MAST4: variants seen among roughly 807,000 people sequenced by gnomAD.
MAST4 encodes the protein microtubule associated serine/threonine kinase family member 4.
MAST4 carries 89 observed loss-of-function variants against 162.7 expected under a neutral mutation model. The ratio of observed to expected loss-of-function variants is 0.55; its 90% CI spans 0.46 to 0.65. MAST4 has a LOEUF of 0.65. Among genes scored for constraint, MAST4 ranks in the 30% least tolerant of loss-of-function variants. The pLI is 0.00. For missense variants in MAST4, 3,153 were observed against 3,374.0 expected, an observed-to-expected ratio of 0.93 and a Z score of 1.62; for synonymous variants, 1,479 against 1,361.1, an observed-to-expected ratio of 1.09 and a Z score of -1.91.
chr5:67,114,364 A>T (rs1766630516), intron 12 of MAST4, 145 bp downstream of exon 12: 1 of 983,938 alleles, frequency 1.0e-6, no homozygotes, highest in Non-Finnish European at 1.5e-6. Context: ...TTGCTATTTG[A>T]AGGAAATAGC....
At chr5:67,121,492 A>G (rs1767579850) in intron 14 of MAST4, among the ~76,000 whole-genome samples, 1 of 151,460 alleles carries the variant, frequency 6.6e-6, no homozygotes, top group Non-Finnish European at 1.5e-5. Context: ...GTATTACTAC[A>G]TGAAAATTAG....
At chr5:66,975,643 G>C (rs180982208) in intron 4 of MAST4, among the ~76,000 whole-genome samples, 49 of 152,130 alleles carry the variant, frequency 3.2e-4, no homozygotes, top group Non-Finnish European at 6.0e-4. Flanking sequence ...AAAATAGTGA[G>C]AGAGTCAGAA....
intron 4 of MAST4, among the ~76,000 whole-genome samples, chr5:67,049,025 A>ATATATATATATACACG (rs1561576236): frequency 0.013 from 912 of 69,008 alleles, 46 homozygotes; most frequent in African/African-American, 0.055. Context: ...ATATATACGT[A>ATATATATATATACACG]TATATATATA....
chr5:66,771,918 A>G (rs1386013850), intron 2 of MAST4, among the ~76,000 whole-genome samples: 1 of 152,102 alleles, frequency 6.6e-6, no homozygotes, highest in Non-Finnish European at 1.5e-5. Context: ...ACAAGTAGGT[A>G]TGGCTTTCCT....
chr5:66,891,165 C>T (rs1762338526), intron 3 of MAST4, among the ~76,000 whole-genome samples: 2 of 152,302 alleles, frequency 1.3e-5, no homozygotes, highest in Non-Finnish European at 2.9e-5. Context: ...TTGCATTTTG[C>T]TTAACTTCCG....
At chr5:67,127,783 C>T (rs183527208) in intron 14 of MAST4, among the ~76,000 whole-genome samples, 24 of 152,112 alleles carry the variant, frequency 1.6e-4, no homozygotes, top group Admixed American at 1.4e-3. Context: ...TACTAAAAGC[C>T]TTTAATCTGA....
At chr5:66,698,082 A>G (rs980575830) in intron 1 of MAST4, among the ~76,000 whole-genome samples, 8 of 148,970 alleles carry the variant, frequency 5.4e-5, no homozygotes, top group African/African-American at 9.9e-5. Flanking sequence ...TCCACCACCC[A>G]TCTCGTGGCC....
Position 67,104,575 on chromosome 5 carries a change from G to C in MAST4, c.1356G>C (p.Glu452Asp). ...LQHKLDKLLQ[E>D]AHDRSESGEL... Reference sequence around the variant, plus strand: ...ACAAATTAGATAAGTTGCTACAGGAGGTAAGAACCATGTACCATATAGTTT... The same window carrying C: ...ACAAATTAGATAAGTTGCTACAGGACGTAAGAACCATGTACCATATAGTTT... Residue 452 changes from glutamate to aspartate, a missense_variant and splice_region_variant, in exon 10 of 29, where the codon GAG becomes GAC. This residue lies in a region of MAST4 where 360 missense variants were observed against 450.0 expected (regional missense o/e 0.80). Coordinates refer to ENST00000403625, the MANE Select transcript of MAST4 (RefSeq NM_001164664.2). 1 of 1,611,104 alleles carries C rather than the reference G, an allele frequency of 6.2e-7. No homozygotes were observed. The highest frequency in any genetic ancestry group is 8.5e-7 in the Non-Finnish European group (1 of 1,178,194).
At chr5:66,989,421 T>A (rs1366994265) in intron 4 of MAST4, among the ~76,000 whole-genome samples, 1 of 152,192 alleles carries the variant, frequency 6.6e-6, no homozygotes, top group Non-Finnish European at 1.5e-5. Flanking sequence ...ATTGATGAGT[T>A]GAAGTTTTCA....
chr5:67,139,919 C>G (rs528809655), intron 19 of MAST4, among the ~76,000 whole-genome samples: 1 of 152,314 alleles, frequency 6.6e-6, no homozygotes, highest in African/African-American at 2.4e-5. Context: ...TGAGCTAAAT[C>G]AGCTATGGGC....
At chr5:67,043,077 G>A (rs982687305) in intron 4 of MAST4, among the ~76,000 whole-genome samples, 26 of 152,270 alleles carry the variant, frequency 1.7e-4, no homozygotes, top group African/African-American at 2.4e-5. Flanking sequence ...TGGTGGTCAC[G>A]GAAGTAAACC....
chr5:66,798,493 T>C (rs1755763255), intron 3 of MAST4, among the ~76,000 whole-genome samples: 1 of 152,216 alleles, frequency 6.6e-6, no homozygotes, highest in South Asian at 2.1e-4. Context: ...GTTCCTCCTG[T>C]CTGTCATTTA....
intron 10 of MAST4, among the ~76,000 whole-genome samples, chr5:67,106,911 A>G (rs1305372014): frequency 6.6e-6 from 1 of 152,156 alleles, no homozygotes. Context: ...AATAGATACA[A>G]CTGCATGCCA....
chr5:66,614,488 T>C (rs6890124), intron 1 of MAST4, among the ~76,000 whole-genome samples: 92,641 of 152,044 alleles, frequency 0.61, 28,486 homozygotes, highest in East Asian at 0.72. Flanking sequence ...AGGAGTTTAT[T>C]GGCCCTTATT....
intron 19 of MAST4, among the ~76,000 whole-genome samples, chr5:67,141,864 G>A (rs1770441220): frequency 6.6e-6 from 1 of 152,134 alleles, no homozygotes; most frequent in African/African-American, 2.4e-5. Context: ...GAAAAATGGA[G>A]GAAGTCATGG....
At chr5:66,678,484 G>T (rs1237364220) in intron 1 of MAST4, among the ~76,000 whole-genome samples, 3 of 151,456 alleles carry the variant, frequency 2.0e-5, no homozygotes, top group African/African-American at 7.3e-5. Flanking sequence ...CATAAGGTGT[G>T]TACATATCAA....
intron 5 of MAST4, among the ~76,000 whole-genome samples, chr5:67,058,811 TA>T (rs1759190288): frequency 1.3e-5 from 2 of 152,336 alleles, no homozygotes; most frequent in Admixed American, 1.3e-4. Flanking sequence ...GTAGGGAAAT[TA>T]GCACATAGTG....
At chr5:66,638,581 C>A (rs1427449906) in intron 1 of MAST4, among the ~76,000 whole-genome samples, 3 of 152,110 alleles carry the variant, frequency 2.0e-5, no homozygotes, top group African/African-American at 7.2e-5. Context: ...TTCTTATATG[C>A]CTTATACACA....
chr5:66,804,630 A>T (rs974906843), intron 3 of MAST4, among the ~76,000 whole-genome samples: 2 of 152,204 alleles, frequency 1.3e-5, no homozygotes, highest in Non-Finnish European at 2.9e-5. Flanking sequence ...TATCCTTCCA[A>T]TGAAAGTAGA....
Sources: gnomAD v4.1 joint callset for allele counts (sites outside exome capture counted in the v4.1 genomes callset) on GRCh38, gnomAD v4.1.1 for gene constraint, gnomAD v4.1.1 regional missense constraint, MANE v1.5 for transcripts, NCBI Gene and HGNC (gene_info 2026-07-23, HGNC 2026-07-21) for gene names.